The following GLYATL2 variants were observed in gnomAD, a reference collection of about 807,000 sequenced individuals.
GLYATL2 encodes glycine-N-acyltransferase like 2.
Under a neutral mutation model 21.4 loss-of-function variants are expected in GLYATL2, and 25 were observed. The observed-to-expected ratio is 1.17, with a 90% CI of 0.85 to 1.63. The LOEUF is 1.63. Among genes scored for constraint, GLYATL2 ranks in the 40% most tolerant of loss-of-function variants. The pLI, the probability that GLYATL2 is intolerant of heterozygous loss-of-function variation, is 0.00. For synonymous variants in GLYATL2, 114 were observed against 118.2 expected (o/e 0.96, Z 0.23); for missense variants, 361 against 343.3 (o/e 1.05, Z -0.41).
chr11:58,890,780 A>AT (rs755043062), intron 1 of GLYATL2, among the ~76,000 whole-genome samples: 1 of 151,066 alleles, frequency 6.6e-6, no homozygotes, highest in African/African-American at 2.4e-5. Flanking sequence ...CTCTGTGCTT[A>AT]TTTTTTTATT....
At chr11:58,891,337 C>G (rs1854539993) in intron 1 of GLYATL2, among the ~76,000 whole-genome samples, 1 of 152,186 alleles carries the variant, frequency 6.6e-6, no homozygotes, top group African/African-American at 2.4e-5. Flanking sequence ...AAGTCTCTTT[C>G]TTTCAAACCC....
At chr11:58,890,569 G>A (rs1047023342) in intron 1 of GLYATL2, among the ~76,000 whole-genome samples, 1 of 152,110 alleles carries the variant, frequency 6.6e-6, no homozygotes, top group East Asian at 1.9e-4. Flanking sequence ...ACTTTTTAAA[G>A]GGTAGATATT....
chr11:58,862,544 G>C (rs1853950502), intron 1 of GLYATL2, among the ~76,000 whole-genome samples: 1 of 152,068 alleles, frequency 6.6e-6, no homozygotes, highest in African/African-American at 2.4e-5. Flanking sequence ...CAAATGATCT[G>C]TCTTTGAGCT....
rs967075071 is a variant in GLYATL2 at position 58,836,886 on chromosome 11, C to G, written c.476+129G>C. On this transcript the variant is annotated intron_variant, in intron 5 of 5. Coordinates refer to ENST00000287275, the MANE Select transcript of GLYATL2 (RefSeq NM_145016.4). Reference sequence around the variant, plus strand: ...CAGTACACAGTTGCTAACATAACTCCCTTTCTTTACCCATGCAATTGTGTA... The same window carrying G: ...CAGTACACAGTTGCTAACATAACTCGCTTTCTTTACCCATGCAATTGTGTA... 24 of 799,292 alleles carry G rather than the reference C, an allele frequency of 3.0e-5. No homozygotes were observed. In the East Asian group the frequency reaches 5.9e-4, roughly 20 times the overall value. The allele number at this position is 799,292 out of a possible 1,614,324, so 49.5% of individuals were successfully genotyped here. A position where few individuals can be genotyped will look rare whatever the true frequency, so the allele number is the denominator to read the frequency against.
rs1191745648 is a variant in GLYATL2 at position 58,838,346 on chromosome 11, A to G, written c.101T>C (p.Ile34Thr). 1.9e-6 allele frequency: 3 copies of G among 1,612,456 alleles called. No individual in the cohort carries two copies. In the African/African-American group the frequency reaches 4.0e-5, roughly 22 times the overall value. Residue 34 changes from isoleucine to threonine, a missense_variant, in exon 3 of 6, where the codon ATA (isoleucine) becomes ACA (threonine). Ile to Thr is a moderately conservative substitution (Grantham distance 89). Coordinates refer to ENST00000287275, the MANE Select transcript of GLYATL2 (RefSeq NM_145016.4). ...SIKVYGAIFNIKDKNPFNMEV... is the reference protein window; with the variant it reads ...SIKVYGAIFNTKDKNPFNMEV... ...CATGTTGAAAGGGTTTTTATCTTTT[A>G]TGTTGAAAATGGCGCCATATACCTA...
intron 1 of GLYATL2, among the ~76,000 whole-genome samples, chr11:58,885,841 A>G (rs988475387): frequency 3.9e-5 from 6 of 152,160 alleles, no homozygotes; most frequent in African/African-American, 1.4e-4. Context: ...AAGGAGGCCA[A>G]TTTACAGGAA....
rs200592428 is a variant in GLYATL2 at position 58,834,384 on chromosome 11, G to GT, written c.*44dup. On this transcript the variant is annotated 3_prime_UTR_variant, in exon 6 of 6. Coordinates refer to ENST00000287275, the MANE Select transcript of GLYATL2 (RefSeq NM_145016.4). ...TCACAATGCTTGTGTTTGAATTAAT[G>GT]TTTTTTTACTGATAAGAAAGATTTG... The GT allele has an allele frequency of 6.8e-6, 10 of 1,475,378 alleles. No individual in the cohort carries two copies. The African/African-American group carries it at 9.9e-5, about 15-fold the overall frequency. The allele number at this position is 1,475,378 out of a possible 1,614,324, so 91.4% of individuals were successfully genotyped here.
chr11:58,896,327 C>T (rs7102003), intron 1 of GLYATL2, among the ~76,000 whole-genome samples: 58,822 of 151,960 alleles, frequency 0.39, 11,527 homozygotes, highest in South Asian at 0.45. Flanking sequence ...GACACTGCCT[C>T]CTCAAGCTCA....
At chr11:58,853,986 C>T (rs1305600899) in intron 1 of GLYATL2, among the ~76,000 whole-genome samples, 8 of 152,124 alleles carry the variant, frequency 5.3e-5, no homozygotes, top group Non-Finnish European at 7.4e-5. Flanking sequence ...GTCTGGTAAC[C>T]ACCATTATAC....
chr11:58,885,828 T>G (rs1854428625), intron 1 of GLYATL2, among the ~76,000 whole-genome samples: 1 of 152,086 alleles, frequency 6.6e-6, no homozygotes. Context: ...CTGCAGGGGC[T>G]GAAAGGAGGC....
upstream of GLYATL2, chr11:58,905,723 G>T (rs1274571346): frequency 9.1e-6 from 2 of 218,880 alleles, no homozygotes; most frequent in East Asian, 1.7e-4. Context: ...GACCGGGATG[G>T]GTCATCTGGA....
At chr11:58,855,438 T>G (rs1382363584) in intron 1 of GLYATL2, among the ~76,000 whole-genome samples, 1 of 152,226 alleles carries the variant, frequency 6.6e-6, no homozygotes, top group East Asian at 1.9e-4. Context: ...CTTAAAATAT[T>G]CAGTAAACCA....
chr11:58,897,012 C>T (rs1854647248), intron 1 of GLYATL2, among the ~76,000 whole-genome samples: 1 of 152,164 alleles, frequency 6.6e-6, no homozygotes, highest in East Asian at 1.9e-4. Flanking sequence ...GCCAGTTTTA[C>T]TTTACTATGG....
At chr11:58,841,141 ACTATTTTGATGG>A (rs1189046139) in intron 1 of GLYATL2, among the ~76,000 whole-genome samples, 5 of 152,170 alleles carry the variant, frequency 3.3e-5, no homozygotes, top group Non-Finnish European at 7.3e-5. Context: ...AATTTTCTAC[ACTATTTTGATGG>A]TTTGCAAGGA....
At chr11:58,889,299 T>A (rs1279160931) in intron 1 of GLYATL2, among the ~76,000 whole-genome samples, 1 of 151,956 alleles carries the variant, frequency 6.6e-6, no homozygotes, top group Middle Eastern at 3.2e-3. Context: ...TTTTTCAAAG[T>A]CTCTTGGATT....
At chr11:58,901,585 C>G (rs1854741012) in intron 1 of GLYATL2, among the ~76,000 whole-genome samples, 1 of 152,062 alleles carries the variant, frequency 6.6e-6, no homozygotes, top group Non-Finnish European at 1.5e-5. Flanking sequence ...TTCCCCCACC[C>G]CCACCAAGAG....
At chr11:58,844,103 AT>A (rs138811413) in intron 1 of GLYATL2, among the ~76,000 whole-genome samples, 4,351 of 150,816 alleles carry the variant, frequency 0.029, 171 homozygotes, top group East Asian at 0.21. Flanking sequence ...GAGAATATTG[AT>A]TTTTTTTTTC....
chr11:58,842,061 G>C (rs1020348358), intron 1 of GLYATL2, among the ~76,000 whole-genome samples: 7 of 152,150 alleles, frequency 4.6e-5, no homozygotes, highest in Non-Finnish European at 1.0e-4. Flanking sequence ...ACTACAAGAG[G>C]TAAGATGTAA....
rs1283467513 is a variant in GLYATL2 at position 58,834,792 on chromosome 11, A to T, written c.522T>A (p.Gly174=). The T allele has an allele frequency of 1.2e-6, 2 of 1,611,150 alleles. No individual in the cohort carries two copies. The change falls in exon 6 of 6, where the codon GGT becomes GGA. Residue 174 remains glycine (G), a synonymous_variant. Transcript: ENST00000287275. ...SNMFLDASHA[G]LVNEHWAFGK... ...CAAAGGCCCAGTGTTCATTCACAAG[A>T]CCTGCATGTGAAGCATCTAAGAACA...
Sources: allele counts gnomAD v4.1 joint callset (sites outside exome capture counted in the v4.1 genomes callset), GRCh38; gene constraint gnomAD v4.1.1; transcripts MANE v1.5; gene names NCBI Gene and HGNC (gene_info 2026-07-23, HGNC 2026-07-21).